TECPR1: variants seen among roughly 807,000 people sequenced by gnomAD.
The protein encoded by TECPR1 is tectonin beta-propeller repeat containing 1.
A neutral mutation model predicts 162.4 loss-of-function variants in TECPR1; 122 were observed. That is an observed-to-expected ratio of 0.75 (90% CI 0.65 to 0.87). The LOEUF (loss-of-function observed/expected upper bound fraction) is 0.87. TECPR1 is among the 40% of genes least tolerant of loss of function. The pLI, the probability that TECPR1 is intolerant of heterozygous loss-of-function variation, is 0.00. For synonymous variants in TECPR1, 642 were observed against 670.6 expected, an observed-to-expected ratio of 0.96 and a Z score of 0.66; for missense variants, 1,432 against 1,618.2, an observed-to-expected ratio of 0.88 and a Z score of 1.97.
intron 6 of TECPR1, among the ~76,000 whole-genome samples, chr7:98,242,082 C>T (rs1330358226): frequency 2.0e-5 from 3 of 152,234 alleles, no homozygotes; most frequent in South Asian, 2.1e-4. Flanking sequence ...TCACTCTGCC[C>T]GGCCCCTCGC....
intron 13 of TECPR1, 99 bp downstream of exon 13, chr7:98,231,705 G>A (rs1452103010): frequency 2.9e-6 from 4 of 1,394,834 alleles, no homozygotes; most frequent in African/African-American, 3.3e-5. Flanking sequence ...CCTCATTTCT[G>A]TACCCCTCCC....
intron 17 of TECPR1, 56 bp downstream of exon 17, chr7:98,227,958 G>T: frequency 6.9e-7 from 1 of 1,456,180 alleles, no homozygotes; most frequent in Non-Finnish European, 9.5e-7. Flanking sequence ...TCCTATTTTT[G>T]CCAGGACTAA....
Position 98,233,690 on chromosome 7 carries a change from C to T in TECPR1, c.1403G>A (p.Arg468Lys), listed in dbSNP as rs1798516101. ...VEDACPAEGS[R>K]EARPNTHPGP... ...GGGGTGCGTGTTGGGTCTGGCCTCC[C>T]TGCTGCCCTCGGCTGGGCAGGCATC... The change falls in exon 11 of 26, where the codon AGG (arginine) becomes AAG (lysine). Residue 468 changes from arginine (R) to lysine (K), a missense_variant. Physicochemically the swap from Arg to Lys is conservative, Grantham distance 26. Coordinates refer to ENST00000447648, the MANE Select transcript of TECPR1 (RefSeq NM_015395.3). 1 of 1,609,384 alleles carries T rather than the reference C, an allele frequency of 6.2e-7. No homozygotes were observed. Among genetic ancestry groups the T allele is most frequent in the East Asian group, 2.2e-5 (1 of 44,798 alleles).
intron 13 of TECPR1, 61 bp from the exon 14 acceptor site, chr7:98,231,434 G>A: frequency 6.6e-7 from 1 of 1,522,164 alleles, no homozygotes. Context: ...TCTGGAGGGT[G>A]ACCCCCACTG....
intron 23 of TECPR1, among the ~76,000 whole-genome samples, chr7:98,220,319 G>A (rs1285004884): frequency 6.6e-6 from 1 of 152,040 alleles, no homozygotes; most frequent in Non-Finnish European, 1.5e-5. Context: ...ACTCTAGCCT[G>A]GGCAACAAGA....
At chr7:98,243,614 T>A (rs749686587) in intron 5 of TECPR1, 22 bp from the exon 6 acceptor site, 1 of 1,607,750 alleles carries the variant, frequency 6.2e-7, no homozygotes, top group African/African-American at 1.3e-5. Flanking sequence ...AAGTGAGAAA[T>A]GGTAGCAGTC....
chr7:98,221,715 T>G lies in TECPR1; in HGVS notation c.3103A>C (p.Arg1035=), dbSNP rs1254151210. 3.1e-6 allele frequency: 5 copies of G among 1,613,488 alleles called. No homozygotes were observed. Among genetic ancestry groups the G allele is most frequent in the Admixed American group, 1.7e-5 (1 of 59,986 alleles). ...WYHIPSPPRQ[R]LKQVSAGQTS... Reference sequence around the variant, plus strand: ...TGCCCCGCGGACACCTGCTTCAGCCTCTGTCTCGGTGGGGACGGGATGTGG... The same window carrying G: ...TGCCCCGCGGACACCTGCTTCAGCCGCTGTCTCGGTGGGGACGGGATGTGG... The change falls in exon 23 of 26, where the codon AGG becomes CGG. Residue 1035 remains arginine (R), a synonymous_variant. Coordinates refer to ENST00000447648, the MANE Select transcript of TECPR1 (RefSeq NM_015395.3).
intron 9 of TECPR1, among the ~76,000 whole-genome samples, 192 bp downstream of exon 9, chr7:98,238,317 G>A (rs1034282428): frequency 6.6e-6 from 1 of 152,214 alleles, no homozygotes; most frequent in Non-Finnish European, 1.5e-5. Flanking sequence ...TCTGGGTGCT[G>A]TGCCACCGGG....
rs528055968 is a variant in TECPR1, at chr7:98,215,873, G to A, written c.*1517C>T. ...AAACACTGGAACACCAGGTCTCTCA[G>A]ATGCCCGCGGGAGGGGCCCCAGGGA... On this transcript the variant is annotated 3_prime_UTR_variant, in exon 26 of 26. Transcript: ENST00000447648. 1 of 152,264 alleles carries A rather than the reference G, an allele frequency of 6.6e-6. No individual in the cohort carries two copies. Among genetic ancestry groups the A allele is most frequent in the African/African-American group, 2.4e-5 (1 of 41,458 alleles). 9.4% of individuals were successfully genotyped at this position (152,264 alleles called of 1,614,324 possible).
Position 98,217,213 on chromosome 7 carries a change from A to C in TECPR1, c.*177T>G, listed in dbSNP as rs892742313. The C allele has an allele frequency of 1.7e-6, 1 of 586,666 alleles. No individual in the cohort carries two copies. The highest frequency in any genetic ancestry group is 3.0e-6 in the Non-Finnish European group (1 of 330,192). 36.3% of individuals were successfully genotyped at this position (586,666 alleles called of 1,614,324 possible). ...CGTGTGGGAGTGTCCGCGGAGCTTC[A>C]CATTTCAGGGCCGTCTCAGCCAGTG... is the stretch of plus-strand genomic sequence containing the variant. On this transcript the variant is annotated 3_prime_UTR_variant, in exon 26 of 26. Transcript: ENST00000447648.
At chr7:98,217,847 C>T in intron 24 of TECPR1, 36 bp from the exon 25 acceptor site, 1 of 1,543,258 alleles carries the variant, frequency 6.5e-7, no homozygotes. Context: ...TCAGCCCTAC[C>T]TGCAGTGGGA....
intron 18 of TECPR1, 61 bp downstream of exon 18, chr7:98,224,945 G>A (rs1023906470): frequency 6.5e-7 from 1 of 1,540,870 alleles, no homozygotes; most frequent in African/African-American, 1.4e-5. Context: ...AACACTCGAG[G>A]AGGGGCAAGG....
intron 25 of TECPR1, 21 bp downstream of exon 25, chr7:98,217,671 A>G: frequency 1.3e-6 from 2 of 1,529,584 alleles, no homozygotes; most frequent in Non-Finnish European, 8.8e-7. Flanking sequence ...AACACAGCCC[A>G]AGGCCGCGGG....
intron 6 of TECPR1, among the ~76,000 whole-genome samples, chr7:98,242,778 C>CCCATCCATCCATCCACCCACCCATCCAT (rs1798789470): frequency 1.7e-5 from 1 of 59,424 alleles, no homozygotes; most frequent in Non-Finnish European, 4.4e-5. Flanking sequence ...CACCCACCCA[C>CCCATCCATCCATCCACCCACCCATCCAT]CCATCCATCC....
intron 23 of TECPR1, among the ~76,000 whole-genome samples, chr7:98,220,927 G>A (rs1489301077): frequency 6.6e-6 from 1 of 150,798 alleles, no homozygotes; most frequent in East Asian, 2.0e-4. Context: ...CTGATCTCAA[G>A]TGATCCGCCC....
intron 6 of TECPR1, among the ~76,000 whole-genome samples, chr7:98,242,884 C>A (rs1198181825): frequency 1.3e-5 from 1 of 76,780 alleles, no homozygotes; most frequent in African/African-American, 4.1e-5. Context: ...ATCCATCTAC[C>A]CATACACCCA....
intron 23 of TECPR1, among the ~76,000 whole-genome samples, chr7:98,220,601 C>T (rs1008248600): frequency 6.6e-5 from 10 of 151,596 alleles, no homozygotes; most frequent in Non-Finnish European, 1.0e-4. Context: ...CTCTGTCACC[C>T]AGGCTGGAGT....
Position 98,246,005 on chromosome 7 carries a change from T to G in TECPR1, c.142A>C (p.Ile48Leu). 1 of 1,604,622 alleles carries G rather than the reference T, an allele frequency of 6.2e-7. No homozygotes were observed. The highest frequency in any genetic ancestry group is 8.5e-7 in the Non-Finnish European group (1 of 1,176,246). ...ACGTAGACCTGGTTGTCACAGGCAA[T>G]GCCCCAGCAGCACTGCGTGGTGGCG... ...VSATTQCCWGIACDNQVYVYV... is the reference protein window; with the variant it reads ...VSATTQCCWGLACDNQVYVYV... Residue 48 changes from isoleucine to leucine, a missense_variant, in exon 3 of 26, where the codon ATT (isoleucine) becomes CTT (leucine). Transcript: ENST00000447648.
intron 17 of TECPR1, chr7:98,226,874 A>G: frequency 4.6e-6 from 1 of 216,852 alleles, no homozygotes. Flanking sequence ...CAAAGGCTGC[A>G]GTGAGCCAAG....
Sources: gnomAD v4.1 joint callset for allele counts (sites outside exome capture counted in the v4.1 genomes callset) on GRCh38, gnomAD v4.1.1 for gene constraint, MANE v1.5 for transcripts, NCBI Gene and HGNC (gene_info 2026-07-23, HGNC 2026-07-21) for gene names.